Variants in PRUNE2 observed in about 807,000 individuals in gnomAD.
The protein encoded by PRUNE2 is protein prune homolog 2.
PRUNE2 carries 164 observed loss-of-function variants against 252.0 expected under a neutral mutation model. That is an observed-to-expected ratio of 0.65 (90% CI 0.57 to 0.74). PRUNE2 has a LOEUF of 0.74. Ranked by LOEUF, PRUNE2 falls within the 30% of genes least tolerant of loss-of-function variation. The pLI is 0.00. For synonymous variants in PRUNE2, 1,292 were observed against 1,350.2 expected (o/e 0.96, Z 0.94); for missense variants, 3,495 against 3,711.0 (o/e 0.94, Z 1.51).
chr9:76,812,923 T>C (rs1212536586), intron 6 of PRUNE2, among the ~76,000 whole-genome samples: 1 of 152,214 alleles, frequency 6.6e-6, no homozygotes, highest in Non-Finnish European at 1.5e-5. Context: ...AAAAATTAAA[T>C]TACATAATTT....
chr9:76,719,554 G>A (rs1288866483), intron 6 of PRUNE2, among the ~76,000 whole-genome samples: 2 of 151,902 alleles, frequency 1.3e-5, no homozygotes, highest in African/African-American at 4.8e-5. Context: ...GGGAGGCCAG[G>A]GCAGAAGAAT....
intron 6 of PRUNE2, among the ~76,000 whole-genome samples, chr9:76,746,406 A>AT (rs983728998): frequency 1.3e-5 from 2 of 152,198 alleles, no homozygotes; most frequent in African/African-American, 4.8e-5. Flanking sequence ...TGAAGCCTCC[A>AT]TAAAAACCCC....
At chr9:76,771,914 C>T (rs1304772182) in intron 6 of PRUNE2, among the ~76,000 whole-genome samples, 1 of 152,212 alleles carries the variant, frequency 6.6e-6, no homozygotes, top group African/African-American at 2.4e-5. Context: ...AGCAGAAATG[C>T]TCACCTTGTG....
At position 76,713,770 on chromosome 9, in the gene PRUNE2, C is replaced by CG. The variant is rs1297454232; in HGVS notation, c.757-50dup. On this transcript the variant is annotated intron_variant, in intron 6 of 18. Transcript: ENST00000376718. The stretch of plus-strand genomic sequence containing the variant: ...ATATTAATGTCAAACTGCCCAGCTG[C>CG]GGGGAGTTGTTCCACAAATTTGTCC... 4 of 1,389,022 alleles carry CG rather than the reference C, an allele frequency of 2.9e-6. No individual in the cohort carries two copies. In the Admixed American group the frequency reaches 8.1e-5, roughly 28 times the overall value. 86.0% of individuals were successfully genotyped at this position (1,389,022 alleles called of 1,614,324 possible).
chr9:76,898,561 T>G (rs917298214), intron 1 of PRUNE2, among the ~76,000 whole-genome samples: 1 of 152,182 alleles, frequency 6.6e-6, no homozygotes, highest in African/African-American at 2.4e-5. Flanking sequence ...TAAGATGTAT[T>G]TATTTATTCT....
At chr9:76,690,614 T>C (rs2044608226) in intron 9 of PRUNE2, among the ~76,000 whole-genome samples, 1 of 152,190 alleles carries the variant, frequency 6.6e-6, no homozygotes, top group African/African-American at 2.4e-5. Flanking sequence ...TTCACTGGGA[T>C]GTACCAAAGA....
intron 17 of PRUNE2, among the ~76,000 whole-genome samples, chr9:76,620,746 C>T (rs1241930933): frequency 2.0e-5 from 3 of 151,978 alleles, no homozygotes; most frequent in Non-Finnish European, 2.9e-5. Context: ...TGACAGCGTG[C>T]TAAAAAAAAC....
intron 6 of PRUNE2, among the ~76,000 whole-genome samples, chr9:76,790,004 C>T (rs897753818): frequency 1.3e-5 from 2 of 152,080 alleles, no homozygotes; most frequent in African/African-American, 4.8e-5. Context: ...GGGGTGGGGC[C>T]ACTTCTAAGT....
Position 76,704,856 on chromosome 9 carries a change from G to C in PRUNE2, c.7418C>G (p.Ala2473Gly), listed in dbSNP as rs762991391. ...DPESVYLPVGAGSNILSPSNV... is the reference protein window; with the variant it reads ...DPESVYLPVGGGSNILSPSNV... ...TGATGGAGACAAAATGTTGGAGCCT[G>C]CTCCTACCGGCAAATAAACGGACTC... is the stretch of plus-strand genomic sequence containing the variant. The change falls in exon 8 of 19, where the codon GCA (alanine) becomes GGA (glycine). Residue 2473 changes from alanine (A) to glycine (G), a missense_variant. Transcript: ENST00000376718. The C allele has an allele frequency of 1.9e-6, 3 of 1,601,082 alleles. No individual in the cohort carries two copies. In the African/African-American group the frequency reaches 4.0e-5, roughly 21 times the overall value.
chr9:76,762,577 G>C (rs1193719364), intron 6 of PRUNE2, among the ~76,000 whole-genome samples: 2 of 152,122 alleles, frequency 1.3e-5, no homozygotes, highest in Non-Finnish European at 2.9e-5. Context: ...TTTACCCCCA[G>C]CCCCCTGGAC....
chr9:76,761,128 T>G (rs73460240), intron 6 of PRUNE2, among the ~76,000 whole-genome samples: 2 of 149,960 alleles, frequency 1.3e-5, no homozygotes, highest in African/African-American at 5.0e-5. Context: ...TTTGCTGAAT[T>G]TAATCCAACC....
At chr9:76,780,567 T>C (rs989710706) in intron 6 of PRUNE2, among the ~76,000 whole-genome samples, 2 of 151,986 alleles carry the variant, frequency 1.3e-5, no homozygotes, top group Non-Finnish European at 2.9e-5. Flanking sequence ...GGCGGGTGCC[T>C]GTAGTCCCAG....
chr9:76,896,965 T>C (rs2062858257), intron 1 of PRUNE2, among the ~76,000 whole-genome samples: 1 of 152,132 alleles, frequency 6.6e-6, no homozygotes, highest in Admixed American at 6.5e-5. Flanking sequence ...TCACACACAT[T>C]CTCCTCCCAA....
intron 4 of PRUNE2, among the ~76,000 whole-genome samples, chr9:76,831,390 C>T (rs1413078674): frequency 6.6e-6 from 1 of 151,904 alleles, no homozygotes; most frequent in Non-Finnish European, 1.5e-5. Flanking sequence ...AAACATTGGA[C>T]AATGTAAATA....
chr9:76,811,285 A>T (rs73460299), intron 6 of PRUNE2, among the ~76,000 whole-genome samples: 8 of 152,248 alleles, frequency 5.3e-5, no homozygotes, highest in Non-Finnish European at 8.8e-5. Context: ...AGACAGAATT[A>T]GATATTGTGC....
intron 9 of PRUNE2, among the ~76,000 whole-genome samples, chr9:76,670,888 A>G (rs1421472453): frequency 1.3e-5 from 2 of 151,958 alleles, no homozygotes; most frequent in East Asian, 1.9e-4. Context: ...CATCCACACC[A>G]AAAACCCATC....
At chr9:76,840,411 G>T (rs2059317062) in intron 4 of PRUNE2, among the ~76,000 whole-genome samples, 1 of 152,178 alleles carries the variant, frequency 6.6e-6, no homozygotes, top group Non-Finnish European at 1.5e-5. Flanking sequence ...GCCCAAGCAT[G>T]ATGCATTCTA....
At chr9:76,807,407 C>G (rs2057044916) in intron 6 of PRUNE2, among the ~76,000 whole-genome samples, 2 of 152,012 alleles carry the variant, frequency 1.3e-5, no homozygotes, top group African/African-American at 4.8e-5. Context: ...TGCTTTCTGT[C>G]AAGGAAGGGT....
At chr9:76,844,511 A>G (rs566146988) in intron 4 of PRUNE2, among the ~76,000 whole-genome samples, 5 of 152,274 alleles carry the variant, frequency 3.3e-5, no homozygotes, top group South Asian at 4.1e-4. Flanking sequence ...CTCTTTCTAA[A>G]TTACCCGATC....
Sources: gnomAD v4.1 joint callset for allele counts (sites outside exome capture counted in the v4.1 genomes callset) on GRCh38, gnomAD v4.1.1 for gene constraint, MANE v1.5 for transcripts, NCBI Gene and HGNC (gene_info 2026-07-23, HGNC 2026-07-21) for gene names.